RTTN: variants seen among roughly 807,000 people sequenced by gnomAD.
RTTN encodes the protein rotatin.
RTTN carries 182 observed loss-of-function variants against 269.2 expected under a neutral mutation model. The observed-to-expected ratio is 0.68, with a 90% CI of 0.60 to 0.76. The LOEUF is 0.76. Ranked by LOEUF, RTTN falls within the 30% of genes least tolerant of loss-of-function variation. RTTN has a pLI of 0.00. For missense variants in RTTN, 2,545 were observed against 2,608.6 expected (o/e 0.98, Z 0.53); for synonymous variants, 1,006 against 963.5 (o/e 1.04, Z -0.82).
At chr18:70,117,880 C>T (rs1019263362) in intron 26 of RTTN, among the ~76,000 whole-genome samples, 1 of 151,766 alleles carries the variant, frequency 6.6e-6, no homozygotes, top group Non-Finnish European at 1.5e-5. Context: ...TGCTCCTGAA[C>T]AATCAGTGGG....
At chr18:70,132,122 G>A (rs1035983127) in intron 23 of RTTN, among the ~76,000 whole-genome samples, 1 of 151,998 alleles carries the variant, frequency 6.6e-6, no homozygotes, top group Non-Finnish European at 1.5e-5. Flanking sequence ...TAATGATAGA[G>A]ACAACCCACC....
chr18:70,153,932 C>A (rs548455792), intron 14 of RTTN, among the ~76,000 whole-genome samples: 66 of 152,144 alleles, frequency 4.3e-4, no homozygotes, highest in African/African-American at 1.6e-3. Context: ...CAATATTTTG[C>A]AAGAACAGTG....
chr18:70,193,122 A>C (rs1432054812), intron 8 of RTTN, 166 bp downstream of exon 8: 1 of 603,732 alleles, frequency 1.7e-6, no homozygotes, highest in Non-Finnish European at 2.7e-6. Flanking sequence ...GATCATGGTC[A>C]AAAAAAGTAT....
At chr18:70,062,918 A>G (rs1268019915) in intron 35 of RTTN, among the ~76,000 whole-genome samples, 2 of 152,214 alleles carry the variant, frequency 1.3e-5, no homozygotes, top group Non-Finnish European at 2.9e-5. Flanking sequence ...CTCCATTGTT[A>G]TTTTAAAAAT....
intron 11 of RTTN, among the ~76,000 whole-genome samples, chr18:70,175,071 A>G (rs1181404760): frequency 1.4e-5 from 2 of 147,984 alleles, no homozygotes; most frequent in African/African-American, 5.0e-5. Flanking sequence ...AAAAAAGAAT[A>G]AATAACTTTT....
chr18:70,190,606 A>G lies in RTTN; in HGVS notation c.1121T>C (p.Phe374Ser). 6.2e-7 allele frequency: 1 copy of G among 1,613,932 alleles called. No individual in the cohort carries two copies. The highest frequency in any genetic ancestry group is 1.1e-5 in the South Asian group (1 of 91,056). ...LETEDTLELQ[F>S]QQLSLPQFCV... ...AAACTGGGGAAGACTGAGCTGCTGGAATTGTAGTTCCAATGTGTCTTCAGT... is the reference window on the plus strand; with the variant it reads ...AAACTGGGGAAGACTGAGCTGCTGGGATTGTAGTTCCAATGTGTCTTCAGT... The change falls in exon 9 of 49, where the codon TTC becomes TCC. Residue 374 changes from phenylalanine to serine, a missense_variant. Physicochemically the swap from Phe to Ser is radical, Grantham distance 155. Transcript: ENST00000640769.
In RTTN at chr18:70,017,636, T is replaced by C; in HGVS notation, c.6192A>G (p.Pro2064=). 6.2e-7 allele frequency: 1 copy of C among 1,613,656 alleles called. No homozygotes were observed. The highest frequency in any genetic ancestry group is 8.5e-7 in the Non-Finnish European group (1 of 1,179,666). ...TACTTAGATGTTTATTTCCTCCTTT[T>C]GGCAATGCTAGAGAGAGGAAGTTCT... The part of the protein sequence containing the change: ...FLQNFLSLAL[P]KGGNKHLSNL... Residue 2064 remains proline (P), a synonymous_variant, in exon 46 of 49, where the codon CCA becomes CCG. Coordinates refer to ENST00000640769, the MANE Select transcript of RTTN (RefSeq NM_173630.4).
In RTTN at chr18:70,057,566, A is replaced by G. The variant is rs12968602; in HGVS notation, c.5031+176T>C. Among the ~76,000 whole-genome samples the G allele has an allele frequency of 0.77, 116,732 of 152,214 alleles. 50,571 individuals carry two copies. The highest frequency in any genetic ancestry group is 1 in the East Asian group (5,175 of 5,184). ...TCTTCAAACCCCACCTCTCTTTTCT[A>G]ACATCCAGACATGTCCCATATTAAA... is the stretch of plus-strand genomic sequence containing the variant. On this transcript the variant is annotated intron_variant, in intron 37 of 48. Coordinates refer to ENST00000640769, the MANE Select transcript of RTTN (RefSeq NM_173630.4).
chr18:70,120,356 C>T (rs182975843), intron 26 of RTTN, among the ~76,000 whole-genome samples: 5 of 152,192 alleles, frequency 3.3e-5, no homozygotes, highest in Admixed American at 3.3e-4. Context: ...ATGTTAAAAA[C>T]AACAGAAAAC....
chr18:70,128,434 TTCTCAGCATA>T lies in RTTN; in HGVS notation c.3057_3066del (p.Asp1019GlufsTer2). 1 of 1,613,466 alleles carries T rather than the reference TTCTCAGCATA, an allele frequency of 6.2e-7. No homozygotes were observed. Among genetic ancestry groups the T allele is most frequent in the South Asian group, 1.1e-5 (1 of 91,058 alleles). ...TGATACCATGACAGGTTCCAAGCTATTCTCAGCATATCTGACACCGGCTTCAAGGCCAAAC... is the reference window on the plus strand; with the variant it reads ...TGATACCATGACAGGTTCCAAGCTATTCTGACACCGGCTTCAAGGCCAAAC... On this transcript the variant is annotated frameshift_variant, in exon 24 of 49. Coordinates refer to ENST00000640769, the MANE Select transcript of RTTN (RefSeq NM_173630.4). LOFTEE classifies it high-confidence loss of function.
At chr18:70,058,710 C>G (rs1413707745) in intron 36 of RTTN, among the ~76,000 whole-genome samples, 2 of 152,048 alleles carry the variant, frequency 1.3e-5, no homozygotes, top group Admixed American at 6.6e-5. Flanking sequence ...ATCCCTAGAG[C>G]TCTATTTTGG....
At chr18:70,176,182 TACGTAG>T (rs2061288712) in intron 11 of RTTN, among the ~76,000 whole-genome samples, 5 of 148,814 alleles carry the variant, frequency 3.4e-5, no homozygotes, top group South Asian at 2.1e-4. Flanking sequence ...TGTATATGTA[TACGTAG>T]ATGTAGATGT....
chr18:70,046,056 G>C (rs564976680), intron 40 of RTTN, among the ~76,000 whole-genome samples: 1 of 150,896 alleles, frequency 6.6e-6, no homozygotes, highest in Non-Finnish European at 1.5e-5. Context: ...CTCTAGCACA[G>C]ATTTTTTTTT....
rs1422162556 is a variant in RTTN at position 70,205,637 on chromosome 18, T to C, written c.22A>G (p.Arg8Gly). 3 of 1,614,086 alleles carry C rather than the reference T, an allele frequency of 1.9e-6. No homozygotes were observed. Among genetic ancestry groups the C allele is most frequent in the Non-Finnish European group, 2.5e-6 (3 of 1,179,998 alleles). Residue 8 changes from arginine (R) to glycine (G), a missense_variant, in exon 1 of 49, where the codon AGG becomes GGG. Arg to Gly is a moderately radical substitution (Grantham distance 125, BLOSUM62 -2). Transcript: ENST00000640769. MVLAGLI[R>G]KLGHQLAEIR... ...GCAAGCTGACAGTTACCGAGTTTCC[T>C]GATGAGCCCTGCCAGGACCATCTCG...
intron 37 of RTTN, among the ~76,000 whole-genome samples, chr18:70,055,466 T>C (rs2057791822): frequency 6.6e-6 from 1 of 152,060 alleles, no homozygotes; most frequent in Admixed American, 6.5e-5. Flanking sequence ...TCTGCCCTAC[T>C]TCTCCTGATG....
At chr18:70,014,430 C>T (rs2056480713) in intron 46 of RTTN, among the ~76,000 whole-genome samples, 1 of 152,158 alleles carries the variant, frequency 6.6e-6, no homozygotes, top group Admixed American at 6.5e-5. Context: ...CTACATGTTG[C>T]CATGTCTCCT....
chr18:70,012,907 C>T (rs2056432150), intron 46 of RTTN, among the ~76,000 whole-genome samples: 1 of 152,156 alleles, frequency 6.6e-6, no homozygotes, highest in South Asian at 2.1e-4. Context: ...AAAATTTTGT[C>T]TACATAATTC....
chr18:70,182,585 C>T (rs1462377588), intron 10 of RTTN, among the ~76,000 whole-genome samples: 1 of 152,084 alleles, frequency 6.6e-6, no homozygotes, highest in Non-Finnish European at 1.5e-5. Flanking sequence ...AATGCCAAAT[C>T]TTCAAGGAAG....
At chr18:70,007,171 C>T (rs1210622728) in intron 46 of RTTN, 2 of 152,304 alleles carry the variant, frequency 1.3e-5, no homozygotes, top group East Asian at 3.8e-4. Flanking sequence ...GGAGCTCCCT[C>T]CCTTAGCCAA....
Sources: gnomAD v4.1 joint callset for allele counts (sites outside exome capture counted in the v4.1 genomes callset) on GRCh38, gnomAD v4.1.1 for gene constraint, MANE v1.5 for transcripts, NCBI Gene and HGNC (gene_info 2026-07-23, HGNC 2026-07-21) for gene names.